DNAH12: variants seen among roughly 807,000 people sequenced by gnomAD.
The protein encoded by DNAH12 is axonemal beta dynein heavy chain 12.
In DNAH12, 285 loss-of-function variants were observed where a neutral mutation model predicts 371.5. The observed-to-expected ratio is 0.77, with a 90% CI of 0.70 to 0.85. The LOEUF is 0.85. DNAH12 is among the 40% of genes least tolerant of loss of function. The pLI is 0.00. For missense variants in DNAH12, 3,611 were observed against 3,689.4 expected, an observed-to-expected ratio of 0.98 and a Z score of 0.55; for synonymous variants, 1,200 against 1,213.0, an observed-to-expected ratio of 0.99 and a Z score of 0.22.
rs765776734 is a variant in DNAH12, at chr3:57,457,828, C to T, written c.3229G>A (p.Ala1077Thr). Residue 1077 changes from alanine (A) to threonine (T), a missense_variant, in exon 22 of 74, where the codon GCA becomes ACA. Physicochemically the swap from Ala to Thr is moderately conservative, Grantham distance 58 (BLOSUM62 0). This residue lies in a region of DNAH12 where 1,314 missense variants were observed against 1,398.7 expected (regional missense o/e 0.94). Coordinates refer to ENST00000495027, the MANE Select transcript of DNAH12 (RefSeq NM_001366028.2). ...SSEGERVELIALISTSAARGA... is the reference protein window; with the variant it reads ...SSEGERVELITLISTSAARGA... ...CGCGCTGCAGACGTGGAAATGAGTG[C>T]AATCAGCTCCACTCGCTCGCCCTCA... The T allele has an allele frequency of 1.9e-6, 3 of 1,551,560 alleles. No homozygotes were observed. Among genetic ancestry groups the T allele is most frequent in the Non-Finnish European group, 8.7e-7 (1 of 1,146,982 alleles).
Position 57,402,342 on chromosome 3 carries a change from T to C in DNAH12, c.6948+967A>G, listed in dbSNP as rs781879667. 38 of 1,242,920 alleles carry C rather than the reference T, an allele frequency of 3.1e-5. 1 individual carries two copies. The African/African-American group carries it at 4.9e-4, about 16-fold the overall frequency. 77.0% of individuals were successfully genotyped at this position (1,242,920 alleles called of 1,614,324 possible). The stretch of plus-strand genomic sequence containing the variant: ...TTTTCCACTTTGTATCATCTCTCTG[T>C]TGGGGCTACAGACCCCTAGGCATAT... On this transcript the variant is annotated intron_variant, in intron 43 of 73. Coordinates refer to ENST00000495027, the MANE Select transcript of DNAH12 (RefSeq NM_001366028.2).
chr3:57,311,078 A>C, intron 66 of DNAH12, 128 bp from the exon 67 acceptor site: 1 of 723,938 alleles, frequency 1.4e-6, no homozygotes, highest in Non-Finnish European at 2.3e-6. Flanking sequence ...TCGGTAGCTG[A>C]GATTGTTAGT....
chr3:57,404,139 A>G (rs948975959), intron 42 of DNAH12, among the ~76,000 whole-genome samples: 3 of 152,226 alleles, frequency 2.0e-5, no homozygotes, highest in Admixed American at 6.5e-5. Context: ...ACATGTACCC[A>G]AGGAGACACG....
intron 4 of DNAH12, among the ~76,000 whole-genome samples, chr3:57,520,550 C>A (rs1473347399): frequency 1.3e-5 from 2 of 151,422 alleles, no homozygotes; most frequent in African/African-American, 4.9e-5. Context: ...TGACGCCATT[C>A]TCCTGCCTCA....
At chr3:57,442,700 A>T (rs2065346263) in intron 29 of DNAH12, among the ~76,000 whole-genome samples, 1 of 152,230 alleles carries the variant, frequency 6.6e-6, no homozygotes, top group Non-Finnish European at 1.5e-5. Context: ...GTTCTTCAAG[A>T]AAATATTAAA....
chr3:57,320,045 T>G (rs947859806), intron 65 of DNAH12, among the ~76,000 whole-genome samples: 2 of 152,178 alleles, frequency 1.3e-5, no homozygotes, highest in African/African-American at 4.8e-5. Flanking sequence ...AAATCCCACT[T>G]GGCCATGGTG....
intron 2 of DNAH12, among the ~76,000 whole-genome samples, chr3:57,525,162 A>AG (rs1421645628): frequency 6.7e-6 from 1 of 149,880 alleles, no homozygotes; most frequent in Non-Finnish European, 1.5e-5. Flanking sequence ...AACAAAAAAA[A>AG]AAAAAAAAAG....
chr3:57,463,246 C>T (rs2066107368), intron 17 of DNAH12, among the ~76,000 whole-genome samples: 1 of 151,124 alleles, frequency 6.6e-6, no homozygotes. Context: ...TGCACTCCGG[C>T]CTGGGTGACA....
At chr3:57,499,374 G>T (rs984701538) in intron 11 of DNAH12, among the ~76,000 whole-genome samples, 1 of 151,616 alleles carries the variant, frequency 6.6e-6, no homozygotes, top group African/African-American at 2.4e-5. Flanking sequence ...TAAACTAAAT[G>T]TCAAGTTGAT....
chr3:57,503,625 G>A (rs1297836589), intron 9 of DNAH12, among the ~76,000 whole-genome samples: 2 of 151,986 alleles, frequency 1.3e-5, no homozygotes, highest in African/African-American at 2.4e-5. Context: ...CTGACCTTGT[G>A]TTCCGCCTGC....
chr3:57,540,108 T>C (rs1428483875), intron 2 of DNAH12, among the ~76,000 whole-genome samples: 1 of 152,080 alleles, frequency 6.6e-6, no homozygotes, highest in Non-Finnish European at 1.5e-5. Flanking sequence ...TGGAGTGCAA[T>C]GGCTCGCTCT....
chr3:57,394,935 A>G (rs1374119803), intron 43 of DNAH12, among the ~76,000 whole-genome samples: 1 of 152,204 alleles, frequency 6.6e-6, no homozygotes, highest in East Asian at 1.9e-4. Flanking sequence ...GCTGACTTGT[A>G]TAGGCTTGTT....
chr3:57,305,798 T>C (rs887724988), intron 69 of DNAH12, among the ~76,000 whole-genome samples: 2 of 152,156 alleles, frequency 1.3e-5, no homozygotes, highest in Non-Finnish European at 1.5e-5. Flanking sequence ...TAATTAACCT[T>C]GCCTTCAAGG....
At chr3:57,404,804 T>C (rs554601647) in intron 42 of DNAH12, among the ~76,000 whole-genome samples, 165 bp downstream of exon 42, 1 of 152,192 alleles carries the variant, frequency 6.6e-6, no homozygotes, top group Non-Finnish European at 1.5e-5. Context: ...AGGGTGACTA[T>C]AACAGGGAAT....
rs2069346448 is a variant in DNAH12, at chr3:57,542,763, T to C, written c.108A>G (p.Thr36=). The change falls in exon 2 of 74, where the codon ACA becomes ACG. Residue 36 remains threonine (T), a synonymous_variant. Transcript: ENST00000495027. ...TTCTGTATTTTAGCAGCTTACTTTG[T>C]GTTGGTGTATCAACGCCTATGTTTT... The part of the protein sequence containing the change: ...LPENIGVDTP[T]QSKLLKYRRS... The C allele has an allele frequency of 6.2e-7, 1 of 1,612,744 alleles. No individual in the cohort carries two copies.
intron 4 of DNAH12, among the ~76,000 whole-genome samples, chr3:57,513,731 A>AT (rs1156246117): frequency 9.9e-5 from 15 of 152,220 alleles, no homozygotes; most frequent in African/African-American, 3.6e-4. Flanking sequence ...TACAGAAAGC[A>AT]AATTTAAACT....
chr3:57,378,625 G>A (rs1359852088), intron 52 of DNAH12, among the ~76,000 whole-genome samples: 1 of 152,068 alleles, frequency 6.6e-6, no homozygotes, highest in Admixed American at 6.6e-5. Flanking sequence ...TGTTGCCCTG[G>A]TCCTTTGCTA....
the DNAH12 span, among the ~76,000 whole-genome samples, chr3:57,550,445 C>G: frequency 2.0e-5 from 3 of 152,124 alleles, no homozygotes; most frequent in Non-Finnish European, 4.4e-5. Flanking sequence ...TAACCTCTTA[C>G]AGTTTTTAAA....
chr3:57,323,756 T>A, intron 62 of DNAH12, 137 bp from the exon 63 acceptor site: 1 of 881,718 alleles, frequency 1.1e-6, no homozygotes, highest in Non-Finnish European at 1.6e-6. Flanking sequence ...GACAAAGCAC[T>A]AATTTCTCTA....
Sources: allele counts gnomAD v4.1 joint callset (sites outside exome capture counted in the v4.1 genomes callset), GRCh38; gene constraint gnomAD v4.1.1; regional missense constraint gnomAD v4.1.1; transcripts MANE v1.5; gene names NCBI Gene and HGNC (gene_info 2026-07-23, HGNC 2026-07-21).